Variants in GALNT13 observed in about 807,000 individuals in gnomAD.
The protein encoded by GALNT13 is UDP-GalNAc:polypeptide N-acetylgalactosaminyltransferase 13.
Under a neutral mutation model 64.2 loss-of-function variants are expected in GALNT13, and 28 were observed. That is an observed-to-expected ratio of 0.44 (90% confidence interval 0.32 to 0.60). The LOEUF is 0.60. Among genes scored for constraint, GALNT13 ranks in the 20% least tolerant of loss-of-function variants. The probability of loss-of-function intolerance (pLI) is 0.05; values close to 1 mark genes in which losing one functional copy is unlikely to be tolerated. For synonymous variants in GALNT13, 214 were observed against 224.6 expected, an observed-to-expected ratio of 0.95 and a Z score of 0.42; for missense variants, 577 against 669.8, an observed-to-expected ratio of 0.86 and a Z score of 1.53.
chr2:153,257,917 C>G, the GALNT13 span, among the ~76,000 whole-genome samples: 2 of 152,168 alleles, frequency 1.3e-5, no homozygotes, highest in East Asian at 3.9e-4. Flanking sequence ...ATAAAAGACC[C>G]TTGGGAAAAC....
chr2:153,788,236 G>T, the GALNT13 span, among the ~76,000 whole-genome samples: 1 of 152,152 alleles, frequency 6.6e-6, no homozygotes, highest in African/African-American at 2.4e-5. Flanking sequence ...CGAACTAAAA[G>T]CATACCTCTC....
intron 2 of GALNT13, among the ~76,000 whole-genome samples, chr2:153,933,035 G>T (rs1424882897): frequency 6.6e-6 from 1 of 152,144 alleles, no homozygotes; most frequent in Admixed American, 6.5e-5. Context: ...TGCTTTATGG[G>T]TGAACATGTG....
At chr2:153,420,281 A>G in the GALNT13 span, among the ~76,000 whole-genome samples, 1 of 152,168 alleles carries the variant, frequency 6.6e-6, no homozygotes, top group African/African-American at 2.4e-5. Context: ...CCACAATAAA[A>G]AGAGAAATTG....
At chr2:153,670,183 G>C in the GALNT13 span, among the ~76,000 whole-genome samples, 2 of 152,212 alleles carry the variant, frequency 1.3e-5, no homozygotes, top group Non-Finnish European at 2.9e-5. Flanking sequence ...GCCCTGAAGA[G>C]AGCAGTGGTT....
the GALNT13 span, among the ~76,000 whole-genome samples, chr2:153,092,888 G>A: frequency 8.8e-4 from 133 of 151,864 alleles, 2 homozygotes; most frequent in East Asian, 0.023. Flanking sequence ...ACAGTACCAT[G>A]TTGAATAACA....
At chr2:154,045,809 A>G (rs1699248847) in intron 3 of GALNT13, among the ~76,000 whole-genome samples, 1 of 152,242 alleles carries the variant, frequency 6.6e-6, no homozygotes, top group Non-Finnish European at 1.5e-5. Context: ...CAGAAACCTT[A>G]AAGCAGAGGA....
intron 4 of GALNT13, among the ~76,000 whole-genome samples, chr2:154,143,452 G>A (rs573427021): frequency 7.9e-5 from 12 of 151,270 alleles, no homozygotes; most frequent in Admixed American, 7.2e-4. Context: ...AAAAAATCTC[G>A]ACTTTCAACT....
the GALNT13 span, among the ~76,000 whole-genome samples, chr2:153,800,536 G>T: frequency 3.3e-5 from 5 of 152,108 alleles, no homozygotes; most frequent in Non-Finnish European, 7.4e-5. Flanking sequence ...ATAGCATTTT[G>T]CTCACAGTAG....
rs115711259 is a variant in GALNT13 at position 153,974,499 on chromosome 2, C to T, written c.142+29860C>T. Among the ~76,000 whole-genome samples the T allele has an allele frequency of 5.4e-3, 821 of 152,034 alleles. 5 individuals carry two copies. Among genetic ancestry groups the T allele is most frequent in the African/African-American group, 0.018 (754 of 41,506 alleles). On this transcript the variant is annotated intron_variant, in intron 3 of 12. Coordinates refer to ENST00000392825, the MANE Select transcript of GALNT13 (RefSeq NM_052917.4). ...AGTGTTTTTTATGTGCTAGTCACTT[C>T]TGTAGGTATTGGGATGAGTCAATAA...
At chr2:153,614,825 C>A in the GALNT13 span, among the ~76,000 whole-genome samples, 18 of 151,960 alleles carry the variant, frequency 1.2e-4, no homozygotes, top group African/African-American at 4.1e-4. Context: ...ATAAAATAAG[C>A]ACACCATGGA....
chr2:154,213,468 A>C (rs1428830083), intron 4 of GALNT13, among the ~76,000 whole-genome samples: 1 of 152,202 alleles, frequency 6.6e-6, no homozygotes, highest in African/African-American at 2.4e-5. Context: ...AGCAGATTGT[A>C]CATATGAATT....
the GALNT13 span, among the ~76,000 whole-genome samples, chr2:153,654,202 A>G: frequency 3.0e-4 from 46 of 152,270 alleles, no homozygotes; most frequent in Middle Eastern, 6.8e-3. Flanking sequence ...ATTACAAAAC[A>G]CAGTTTTTTC....
the GALNT13 span, among the ~76,000 whole-genome samples, chr2:153,852,449 A>G: frequency 6.6e-6 from 1 of 152,226 alleles, no homozygotes; most frequent in Admixed American, 6.5e-5. Flanking sequence ...AGGTTAATTC[A>G]TCTATAGGAC....
In GALNT13 at chr2:154,219,780, A is replaced by C. The variant is rs191819250; in HGVS notation, c.312-22250A>C. Among the ~76,000 whole-genome samples the C allele has an allele frequency of 2.0e-5, 3 of 152,150 alleles. No homozygotes were observed. In the East Asian group the frequency reaches 5.8e-4, roughly 29 times the overall value. On this transcript the variant is annotated intron_variant, in intron 4 of 12. Transcript: ENST00000392825. ...CATGGTTAGGTCCTATTCCCTGATG[A>C]AGAATGCCAGTCTCCACCTGGGAAG...
chr2:153,953,197 G>A (rs571277637), intron 3 of GALNT13, among the ~76,000 whole-genome samples: 5 of 152,106 alleles, frequency 3.3e-5, no homozygotes, highest in South Asian at 2.1e-4. Flanking sequence ...ACCTTTCTTT[G>A]TCTTATTCTG....
intron 3 of GALNT13, among the ~76,000 whole-genome samples, chr2:154,060,491 G>A (rs1323057935): frequency 6.6e-6 from 1 of 152,078 alleles, no homozygotes; most frequent in Non-Finnish European, 1.5e-5. Context: ...GAGTAGCTGG[G>A]ACTAAGGGCA....
the GALNT13 span, among the ~76,000 whole-genome samples, chr2:153,143,503 A>T: frequency 6.6e-6 from 1 of 151,992 alleles, no homozygotes; most frequent in Non-Finnish European, 1.5e-5. Context: ...GTAGTCTCAG[A>T]GCAGTGAAAC....
At chr2:153,295,300 G>T in the GALNT13 span, among the ~76,000 whole-genome samples, 1 of 152,098 alleles carries the variant, frequency 6.6e-6, no homozygotes, top group Admixed American at 6.6e-5. Context: ...GAGCAATGCT[G>T]GGACACCAGT....
chr2:154,329,815 CCT>C (rs1695071511), intron 9 of GALNT13, among the ~76,000 whole-genome samples: 1 of 151,974 alleles, frequency 6.6e-6, no homozygotes, highest in African/African-American at 2.4e-5. Flanking sequence ...CACACCTCTG[CCT>C]CTTTCCTTCT....
Sources: allele counts gnomAD v4.1 joint callset (sites outside exome capture counted in the v4.1 genomes callset), GRCh38; gene constraint gnomAD v4.1.1; transcripts MANE v1.5; gene names NCBI Gene and HGNC (gene_info 2026-07-23, HGNC 2026-07-21).